SIPA1: variants seen among roughly 807,000 people sequenced by gnomAD.
The protein encoded by SIPA1 is signal-induced proliferation-associated protein 1.
Under a neutral mutation model 88.1 loss-of-function variants are expected in SIPA1, and 51 were observed. The observed-to-expected ratio is 0.58, with a 90% CI of 0.46 to 0.73. The LOEUF (loss-of-function observed/expected upper bound fraction) is 0.73. Ranked by LOEUF, SIPA1 falls within the 30% of genes least tolerant of loss-of-function variation. The probability of loss-of-function intolerance (pLI) is 0.00; values close to 1 mark genes in which losing one functional copy is unlikely to be tolerated. For synonymous variants in SIPA1, 681 were observed against 664.8 expected (o/e 1.02, Z -0.37); for missense variants, 1,348 against 1,467.6 (o/e 0.92, Z 1.33).
Position 65,646,764 on chromosome 11 carries a change from C to T in SIPA1, c.1730C>T (p.Ala577Val). 1 of 1,489,154 alleles carries T rather than the reference C, an allele frequency of 6.7e-7. No individual in the cohort carries two copies. Among genetic ancestry groups the T allele is most frequent in the East Asian group, 2.5e-5 (1 of 40,094 alleles). 92.2% of individuals were successfully genotyped at this position (1,489,154 alleles called of 1,614,324 possible). Residue 577 changes from alanine to valine, a missense_variant, in exon 8 of 16, where the codon GCA (alanine) becomes GTA (valine). Ala to Val is a moderately conservative substitution (Grantham distance 64, BLOSUM62 0). This residue lies in a region of SIPA1 where 68 missense variants were observed against 59.0 expected (regional missense o/e 1.15). Transcript: ENST00000534313. The surrounding 1 kb of genome is among the most constrained non-coding windows in gnomAD (Gnocchi z 7.5). ...CGGGGCCCAGGCGCCGAGCTGCAGG[C>T]AGCGGGCTCACTGGTGTGGGGAGTG... ...APRGPGAELQAAGSLVWGVRA... is the reference protein window; with the variant it reads ...APRGPGAELQVAGSLVWGVRA...
In SIPA1 at chr11:65,649,271, G is replaced by A. The variant is rs766966318; in HGVS notation, c.2316G>A (p.Ser772=). Residue 772 remains serine, a synonymous_variant, in exon 10 of 16, where the codon TCG becomes TCA. Transcript: ENST00000534313. The part of the protein sequence containing the change: ...DESGRPRRSF[S]ELYTLSLQEP... ...CTGTCCCACCCCACAGGAGTTTTTC[G>A]GAGCTGTACACGCTGTCGCTGCAGG... 2.6e-5 allele frequency: 40 copies of A among 1,523,294 alleles called. No homozygotes were observed. The highest frequency in any genetic ancestry group is 1.8e-4 in the South Asian group (15 of 81,646). The allele number at this position is 1,523,294 out of a possible 1,614,324, so 94.4% of individuals were successfully genotyped here.
chr11:65,649,415 G>A lies in SIPA1; in HGVS notation c.2460G>A (p.Gly820=), dbSNP rs986981561. The A allele has an allele frequency of 6.3e-7, 1 of 1,594,070 alleles. No individual in the cohort carries two copies. The highest frequency in any genetic ancestry group is 1.1e-5 in the South Asian group (1 of 88,596). The stretch of plus-strand genomic sequence containing the variant: ...TGCAAGATGGTGGCAGTCCTCCAGG[G>A]CCTGGGGATCTGGCCGAGGAGAGGA... ...LCLQDGGSPP[G]PGDLAEERTE... is the part of the protein sequence containing the mutation. The change falls in exon 10 of 16, where the codon GGG becomes GGA. Residue 820 remains glycine (G), a synonymous_variant. Transcript: ENST00000534313.
In SIPA1 at chr11:65,650,714, G is replaced by C. The variant is rs867982530; in HGVS notation, c.3128G>C (p.Ter1043SerextTer9). The C allele has an allele frequency of 6.4e-7, 1 of 1,570,782 alleles. No homozygotes were observed. Among genetic ancestry groups the C allele is most frequent in the East Asian group, 2.3e-5 (1 of 43,144 alleles). Reference sequence around the variant, plus strand: ...GGCTCACCCACCGCCGACCTGGCCTGAGCCGTCTGGAACCACCTGGGCCCC... The same window carrying C: ...GGCTCACCCACCGCCGACCTGGCCTCAGCCGTCTGGAACCACCTGGGCCCC... ...QLGSPTADLA[*>S] is the part of the protein sequence containing the mutation. Residue 1043 changes from the stop codon to serine, a stop_lost, in exon 16 of 16, where the codon TGA becomes TCA. Transcript: ENST00000534313.
chr11:65,650,459 C>G lies in SIPA1; in HGVS notation c.2962C>G (p.Leu988Val), dbSNP rs1264443853. The G allele has an allele frequency of 3.1e-6, 5 of 1,614,156 alleles. No individual in the cohort carries two copies. Among genetic ancestry groups the G allele is most frequent in the Non-Finnish European group, 4.2e-6 (5 of 1,180,016 alleles). The change falls in exon 15 of 16, where the codon CTG (leucine) becomes GTG (valine). Residue 988 changes from leucine to valine, a missense_variant. Around this residue, in one of 4 missense-constraint regions of SIPA1, gnomAD observed 615 missense variants for 559.8 expected, o/e 1.10. Transcript: ENST00000534313. The part of the protein sequence containing the change: ...VSHLESMLRK[L>V]QEDLQKEKAD... The stretch of plus-strand genomic sequence containing the variant: ...TCACTTGGAGTCCATGCTCAGGAAG[C>G]TGCAGGAGGACCTGCAGAAGGTGAG...
Position 65,641,020 on chromosome 11 carries a change from GC to G in SIPA1, c.104del (p.Pro35ArgfsTer2). 1 of 1,591,294 alleles carries G rather than the reference GC, an allele frequency of 6.3e-7. No individual in the cohort carries two copies. The highest frequency in any genetic ancestry group is 8.5e-7 in the Non-Finnish European group (1 of 1,173,682). ...CCCGCAAGCTGCGCCAGCCAGCAAG[GC>G]CCCCGCTGACACCGCACACCTTCGA... is the stretch of plus-strand genomic sequence containing the variant. ...FARKLRQPAR[P>X]PLTPHTFEPR... On this transcript the variant is annotated frameshift_variant, in exon 2 of 16. Transcript: ENST00000534313. LOFTEE classifies it high-confidence loss of function.
In SIPA1 at chr11:65,650,448, T is replaced by C. The variant is rs1327975114; in HGVS notation, c.2951T>C (p.Met984Thr). The change falls in exon 15 of 16, where the codon ATG (methionine) becomes ACG (threonine). Residue 984 changes from methionine (M) to threonine (T), a missense_variant. Met to Thr is a moderately conservative substitution (Grantham distance 81). Transcript: ENST00000534313. ...LSEKVSHLES[M>T]LRKLQEDLQK... ...GAGAAGGTCTCTCACTTGGAGTCCA[T>C]GCTCAGGAAGCTGCAGGAGGACCTG... is the stretch of plus-strand genomic sequence containing the variant. 1 of 1,614,044 alleles carries C rather than the reference T, an allele frequency of 6.2e-7. No individual in the cohort carries two copies. Among genetic ancestry groups the C allele is most frequent in the Admixed American group, 1.7e-5 (1 of 60,016 alleles).
At chr11:65,639,813 A>T (rs914094223) in intron 1 of SIPA1, 10 of 152,174 alleles carry the variant, frequency 6.6e-5, no homozygotes, top group Non-Finnish European at 1.2e-4. Flanking sequence ...GAGACCTTGA[A>T]CCTCAGCCCA....
rs148088934 is a variant in SIPA1 at position 65,649,962 on chromosome 11, C to T, written c.2759C>T (p.Ala920Val). The change falls in exon 13 of 16, where the codon GCG becomes GTG. Residue 920 changes from alanine (A) to valine (V), a missense_variant. By Grantham distance (64) the Ala-to-Val change is moderately conservative. Transcript: ENST00000534313. The part of the protein sequence containing the change: ...RNSISRIMSE[A>V]GSGTLEDEWQ... ...CTTGTGCCCACAGTCATGTCGGAGG[C>T]GGGCAGTGGGACCCTGGAGGACGAG... 635 of 1,613,990 alleles carry T rather than the reference C, an allele frequency of 3.9e-4. 2 individuals are homozygous for T. In the African/African-American group the frequency reaches 7.2e-3, roughly 18 times the overall value.
rs913335087 is a variant in SIPA1 at position 65,642,048 on chromosome 11, A to AGGTCTG, written c.680-191_680-186dup. 24 of 700,672 alleles carry AGGTCTG rather than the reference A, an allele frequency of 3.4e-5. No homozygotes were observed. The East Asian group carries it at 6.0e-4, about 17-fold the overall frequency. The allele number at this position is 700,672 out of a possible 1,614,324, so 43.4% of individuals were successfully genotyped here. On this transcript the variant is annotated intron_variant, in intron 2 of 15. Transcript: ENST00000534313. The surrounding 1 kb of genome is among the most constrained non-coding windows in gnomAD (Gnocchi z 6.5). ...GCCTGGGAGCTGGCCGCGTGGGTCT[A>AGGTCTG]GGTCTGGGTCTGGGTCCACCTCTGG...
chr11:65,644,726 T>A (rs1484440172), intron 4 of SIPA1, among the ~76,000 whole-genome samples: 1 of 152,002 alleles, frequency 6.6e-6, no homozygotes, highest in Non-Finnish European at 1.5e-5. Context: ...TTTCTGTGAA[T>A]CACCTTCTCT....
chr11:65,647,475 T>G lies in SIPA1; in HGVS notation c.2123T>G (p.Val708Gly). 2.0e-6 allele frequency: 3 copies of G among 1,476,592 alleles called. No individual in the cohort carries two copies. The highest frequency in any genetic ancestry group is 2.7e-6 in the Non-Finnish European group (3 of 1,122,256). 91.5% of individuals were successfully genotyped at this position (1,476,592 alleles called of 1,614,324 possible). Residue 708 changes from valine to glycine, a missense_variant, in exon 9 of 16, where the codon GTC becomes GGC. Coordinates refer to ENST00000534313, the MANE Select transcript of SIPA1 (RefSeq NM_006747.4). ...TTCGAGGTGGACGCCGAGGGATTCG[T>G]CACGCACGTGGAGCGCTTCACATTC... is the stretch of plus-strand genomic sequence containing the variant. ...LGFEVDAEGF[V>G]THVERFTFAE...
In SIPA1 at chr11:65,641,002, G is replaced by A; in HGVS notation, c.81G>A (p.Lys27=). 1 of 1,587,304 alleles carries A rather than the reference G, an allele frequency of 6.3e-7. No homozygotes were observed. Among genetic ancestry groups the A allele is most frequent in the African/African-American group, 1.3e-5 (1 of 74,866 alleles). ...PASTDDLFAR[K]LRQPARPPLT... ...CCACAGATGACCTCTTTGCCCGCAAGCTGCGCCAGCCAGCAAGGCCCCCGC... is the reference window on the plus strand; with the variant it reads ...CCACAGATGACCTCTTTGCCCGCAAACTGCGCCAGCCAGCAAGGCCCCCGC... Residue 27 remains lysine, a synonymous_variant, in exon 2 of 16, where the codon AAG becomes AAA. Transcript: ENST00000534313.
Position 65,647,001 on chromosome 11 carries a change from C to A in SIPA1, c.1967C>A (p.Ala656Glu), listed in dbSNP as rs1211286044. ...QLDLYHGRGEAITLRFDGSPG... is the reference protein window; with the variant it reads ...QLDLYHGRGEEITLRFDGSPG... ...GACCTGTACCACGGCCGCGGGGAGGCGATCACGCTGCGCTTCGACGGGTCC... is the reference window on the plus strand; with the variant it reads ...GACCTGTACCACGGCCGCGGGGAGGAGATCACGCTGCGCTTCGACGGGTCC... The change falls in exon 8 of 16, where the codon GCG (alanine) becomes GAG (glutamate). Residue 656 changes from alanine to glutamate, a missense_variant. By Grantham distance (107) the Ala-to-Glu change is moderately radical. Coordinates refer to ENST00000534313, the MANE Select transcript of SIPA1 (RefSeq NM_006747.4). The A allele has an allele frequency of 6.5e-7, 1 of 1,540,482 alleles. No homozygotes were observed. Among genetic ancestry groups the A allele is most frequent in the Admixed American group, 2.0e-5 (1 of 51,172 alleles).
chr11:65,646,216 C>A lies in SIPA1; in HGVS notation c.1264-5C>A. On this transcript the variant is annotated splice_region_variant and splice_polypyrimidine_tract_variant and intron_variant, in intron 6 of 15. Coordinates refer to ENST00000534313, the MANE Select transcript of SIPA1 (RefSeq NM_006747.4). The surrounding 1 kb of genome is among the most constrained non-coding windows in gnomAD (Gnocchi z 7.5). Reference sequence around the variant, plus strand: ...CATCACGAGCCCCTACTATCCAACCCCTAGCTCCTCCGGAAGCGCCACATT... The same window carrying A: ...CATCACGAGCCCCTACTATCCAACCACTAGCTCCTCCGGAAGCGCCACATT... 1 of 1,613,762 alleles carries A rather than the reference C, an allele frequency of 6.2e-7. No homozygotes were observed. The highest frequency in any genetic ancestry group is 8.5e-7 in the Non-Finnish European group (1 of 1,179,960).
rs566159549 is a variant in SIPA1 at position 65,646,611 on chromosome 11, C to G, written c.1577C>G (p.Ala526Gly). 6.5e-7 allele frequency: 1 copy of G among 1,544,708 alleles called. No individual in the cohort carries two copies. The highest frequency in any genetic ancestry group is 1.9e-5 in the Admixed American group (1 of 52,150). Residue 526 changes from alanine to glycine, a missense_variant, in exon 8 of 16, where the codon GCC (alanine) becomes GGC (glycine). Physicochemically the swap from Ala to Gly is moderately conservative, Grantham distance 60. This residue lies in a region of SIPA1 where 641 missense variants were observed against 797.7 expected (regional missense o/e 0.80). Transcript: ENST00000534313. This position sits in a 1 kb window ranked among gnomAD's most constrained non-coding sequence, Gnocchi z 7.5. ...GCCGGCCACGCGCGCCAGTTCCACG[C>G]CATGGCCACGCGCACCCGCCAGCAG... ...QAAGHARQFH[A>G]MATRTRQQYL...
chr11:65,643,551 G>A (rs543142299), intron 4 of SIPA1, among the ~76,000 whole-genome samples: 10 of 152,352 alleles, frequency 6.6e-5, no homozygotes, highest in African/African-American at 1.9e-4. Context: ...ACAGCTGGGT[G>A]GGAGAAAGAG....
rs753803536 is a variant in SIPA1 at position 65,647,505 on chromosome 11, A to G, written c.2153A>G (p.Glu718Gly). The change falls in exon 9 of 16, where the codon GAG becomes GGG. Residue 718 changes from glutamate (E) to glycine (G), a missense_variant. Coordinates refer to ENST00000534313, the MANE Select transcript of SIPA1 (RefSeq NM_006747.4). ...VTHVERFTFA[E>G]TAGLRPGARL... ...CACGTGGAGCGCTTCACATTCGCCG[A>G]GACGGCGGGGCTGCGGCCCGGGGCG... 16 of 1,411,410 alleles carry G rather than the reference A, an allele frequency of 1.1e-5. No individual in the cohort carries two copies. Among genetic ancestry groups the G allele is most frequent in the Non-Finnish European group, 1.4e-5 (15 of 1,087,604 alleles). The allele number at this position is 1,411,410 out of a possible 1,614,324, so 87.4% of individuals were successfully genotyped here.
Position 65,646,141 on chromosome 11 carries a change from C to T in SIPA1, c.1264-80C>T, listed in dbSNP as rs745549656. On this transcript the variant is annotated intron_variant, in intron 6 of 15. Transcript: ENST00000534313. The surrounding 1 kb of genome is among the most constrained non-coding windows in gnomAD (Gnocchi z 7.5). ...GGGGCAGTGGGGGAGCCATTGGTGC[C>T]TTGGCTTTCTCCTGCCTGAATGAGG... The T allele has an allele frequency of 5.2e-6, 8 of 1,533,792 alleles. No homozygotes were observed. Among genetic ancestry groups the T allele is most frequent in the Admixed American group, 5.2e-5 (3 of 58,144 alleles).
chr11:65,647,894 G>A (rs1336699580), intron 9 of SIPA1, among the ~76,000 whole-genome samples: 1 of 145,790 alleles, frequency 6.9e-6, no homozygotes, highest in African/African-American at 2.5e-5. Context: ...TTTTTGAGAC[G>A]AAGTATCCCT....
Sources: gnomAD v4.1 joint callset for allele counts (sites outside exome capture counted in the v4.1 genomes callset) on GRCh38, gnomAD v4.1.1 for gene constraint, gnomAD v4.1.1 regional missense constraint, Gnocchi (gnomAD v3.1) non-coding constraint, MANE v1.5 for transcripts, NCBI Gene and HGNC (gene_info 2026-07-23, HGNC 2026-07-21) for gene names.